Variants in PEPD observed in about 807,000 individuals in gnomAD.
PEPD encodes peptidase D, also known as xaa-Pro dipeptidase.
Under a neutral mutation model 60.7 loss-of-function variants are expected in PEPD, and 53 were observed. The observed-to-expected ratio is 0.87, with a 90% CI of 0.70 to 1.10. The LOEUF is 1.10. Ranked by LOEUF, PEPD falls within the 50% of genes least tolerant of loss-of-function variation. The pLI, the probability that PEPD is intolerant of heterozygous loss-of-function variation, is 0.00. For synonymous variants in PEPD, 267 were observed against 284.1 expected, an observed-to-expected ratio of 0.94 and a Z score of 0.60; for missense variants, 711 against 711.9, an observed-to-expected ratio of 1.00 and a Z score of 0.01.
At chr19:33,481,824 T>C (rs1600150388) in intron 6 of PEPD, among the ~76,000 whole-genome samples, 1 of 149,524 alleles carries the variant, frequency 6.7e-6, no homozygotes, top group Non-Finnish European at 1.5e-5. Context: ...AGGTCAGGAG[T>C]TCAAGACCAA....
At chr19:33,491,071 C>A (rs967866594) in intron 5 of PEPD, among the ~76,000 whole-genome samples, 1 of 152,152 alleles carries the variant, frequency 6.6e-6, no homozygotes, top group Non-Finnish European at 1.5e-5. Context: ...AATCATCTCA[C>A]ATAAGTTTCC....
In PEPD at chr19:33,490,062, GGA is replaced by G. The variant is rs779830196; in HGVS notation, c.442-7_442-6del. 34 of 1,609,896 alleles carry G rather than the reference GGA, an allele frequency of 2.1e-5. 2 individuals carry two copies. In the South Asian group the frequency reaches 3.6e-4, roughly 17 times the overall value. On this transcript the variant is annotated splice_region_variant and splice_polypyrimidine_tract_variant and intron_variant, in intron 5 of 14. Coordinates refer to ENST00000244137, the MANE Select transcript of PEPD (RefSeq NM_000285.4). ...GCTGTCCGTGTTGACGCCACGCTGGGGAGAGAGAACACAGACATGACACACGG... is the reference window on the plus strand; with the variant it reads ...GCTGTCCGTGTTGACGCCACGCTGGGGAGAGAACACAGACATGACACACGG...
At chr19:33,413,489 C>G (rs1167776847) in intron 10 of PEPD, 86 bp downstream of exon 10, 1 of 776,834 alleles carries the variant, frequency 1.3e-6, no homozygotes, top group East Asian at 2.7e-5. Context: ...TGTGGCTGAG[C>G]TGGGGGATGG....
intron 3 of PEPD, among the ~76,000 whole-genome samples, chr19:33,507,988 G>A (rs913650153): frequency 7.2e-5 from 11 of 152,002 alleles, no homozygotes; most frequent in African/African-American, 2.7e-4. Context: ...TGCCTGATCT[G>A]ACCTGCCCAG....
intron 7 of PEPD, among the ~76,000 whole-genome samples, chr19:33,470,660 A>G (rs983535138): frequency 6.6e-6 from 1 of 152,216 alleles, no homozygotes; most frequent in African/African-American, 2.4e-5. Context: ...CGGCACAGAC[A>G]CACAGTAACT....
At chr19:33,467,973 T>C (rs1421001031) in intron 7 of PEPD, among the ~76,000 whole-genome samples, 1 of 151,940 alleles carries the variant, frequency 6.6e-6, no homozygotes, top group East Asian at 1.9e-4. Context: ...GCAGAGACCA[T>C]GGAGAGACGG....
At chr19:33,388,540 G>C (rs1431642075) in intron 13 of PEPD, 1 of 286,032 alleles carries the variant, frequency 3.5e-6, no homozygotes, top group Non-Finnish European at 7.0e-6. Context: ...ACTGGCCCCA[G>C]AAGTCGTGGT....
At chr19:33,461,769 C>T (rs1969929955) in intron 9 of PEPD, among the ~76,000 whole-genome samples, 1 of 152,184 alleles carries the variant, frequency 6.6e-6, no homozygotes, top group Admixed American at 6.5e-5. Context: ...GCCACAGACA[C>T]CGCACTGCAG....
intron 9 of PEPD, among the ~76,000 whole-genome samples, chr19:33,422,080 T>C (rs1345168356): frequency 6.6e-6 from 1 of 151,930 alleles, no homozygotes; most frequent in East Asian, 1.9e-4. Context: ...TCCCCCTTAC[T>C]CCCCTGTCTT....
intron 11 of PEPD, among the ~76,000 whole-genome samples, chr19:33,404,172 T>C (rs552806601): frequency 2.6e-5 from 4 of 152,270 alleles, no homozygotes; most frequent in African/African-American, 9.6e-5. Flanking sequence ...CTGCTGTAGC[T>C]CTGGGGAGTG....
At chr19:33,487,933 G>A (rs1247112023) in intron 6 of PEPD, among the ~76,000 whole-genome samples, 1 of 152,022 alleles carries the variant, frequency 6.6e-6, no homozygotes, top group East Asian at 1.9e-4. Flanking sequence ...TGACAGTGAT[G>A]AGGGCCCTGG....
At chr19:33,493,966 T>C (rs1460589520) in intron 4 of PEPD, among the ~76,000 whole-genome samples, 1 of 152,110 alleles carries the variant, frequency 6.6e-6, no homozygotes, top group Non-Finnish European at 1.5e-5. Context: ...AGCTCTTATC[T>C]CTCCCTGAGT....
intron 9 of PEPD, among the ~76,000 whole-genome samples, chr19:33,460,125 C>T (rs937583325): frequency 5.9e-5 from 9 of 152,136 alleles, no homozygotes; most frequent in Non-Finnish European, 8.8e-5. Context: ...TTTTATTCCC[C>T]GACTAGTTAA....
intron 3 of PEPD, among the ~76,000 whole-genome samples, chr19:33,502,516 C>T (rs1310188902): frequency 6.6e-6 from 1 of 152,126 alleles, no homozygotes; most frequent in African/African-American, 2.4e-5. Context: ...CCTTTGCAAA[C>T]CCCCCCTTTT....
At chr19:33,403,658 G>A (rs756996884) in intron 11 of PEPD, among the ~76,000 whole-genome samples, 5 of 152,220 alleles carry the variant, frequency 3.3e-5, no homozygotes, top group Non-Finnish European at 5.9e-5. Context: ...AGCGTCAGCC[G>A]CCCCATGGAG....
At chr19:33,445,341 C>T (rs1969571979) in intron 9 of PEPD, among the ~76,000 whole-genome samples, 1 of 152,184 alleles carries the variant, frequency 6.6e-6, no homozygotes, top group South Asian at 2.1e-4. Flanking sequence ...ACAGTGTTCC[C>T]CCAAATTTAT....
intron 9 of PEPD, among the ~76,000 whole-genome samples, chr19:33,421,229 G>C (rs1318840335): frequency 2.6e-5 from 4 of 152,192 alleles, no homozygotes; most frequent in Non-Finnish European, 5.9e-5. Context: ...GAAATGCTGT[G>C]TCACAGGGTT....
chr19:33,482,651 C>A (rs776588236), intron 6 of PEPD, among the ~76,000 whole-genome samples: 1 of 152,186 alleles, frequency 6.6e-6, no homozygotes, highest in Non-Finnish European at 1.5e-5. Context: ...TGCAATTCCA[C>A]TTCTAGGTAT....
At chr19:33,444,263 AGGCTGGG>A (rs1265237647) in intron 9 of PEPD, among the ~76,000 whole-genome samples, 2 of 125,894 alleles carry the variant, frequency 1.6e-5, no homozygotes, top group Middle Eastern at 4.5e-3. Context: ...GAACCCAGCC[AGGCTGGG>A]ACAGAAAGCG....
Sources: gnomAD v4.1 joint callset for allele counts (sites outside exome capture counted in the v4.1 genomes callset) on GRCh38, gnomAD v4.1.1 for gene constraint, MANE v1.5 for transcripts, NCBI Gene and HGNC (gene_info 2026-07-23, HGNC 2026-07-21) for gene names.